Variants in CAST observed in about 807,000 individuals in gnomAD.
CAST encodes the protein calpastatin.
CAST carries 76 observed loss-of-function variants against 119.6 expected under a neutral mutation model. The observed-to-expected ratio is 0.64, with a 90% CI of 0.53 to 0.77. The LOEUF is 0.77. CAST is among the 30% of genes least tolerant of loss of function. CAST has a pLI of 0.00. For missense variants in CAST, 953 were observed against 946.5 expected (o/e 1.01, Z -0.09); for synonymous variants, 319 against 331.6 (o/e 0.96, Z 0.41).
chr5:96,016,647 C>G, the CAST span, among the ~76,000 whole-genome samples: 1 of 152,058 alleles, frequency 6.6e-6, no homozygotes, highest in Non-Finnish European at 1.5e-5. Flanking sequence ...TCTTTCCTAA[C>G]TTTTCTTTCA....
At chr5:96,236,219 G>A in the CAST span, among the ~76,000 whole-genome samples, 1 of 152,116 alleles carries the variant, frequency 6.6e-6, no homozygotes, top group South Asian at 2.1e-4. Context: ...TAACAGTTTT[G>A]TGGAAATCCC....
At chr5:96,021,348 T>C in the CAST span, among the ~76,000 whole-genome samples, 1 of 152,224 alleles carries the variant, frequency 6.6e-6, no homozygotes, top group Non-Finnish European at 1.5e-5. Context: ...TATTTAGGAT[T>C]CTAAAAGCAT....
the CAST span, among the ~76,000 whole-genome samples, chr5:96,337,797 C>T: frequency 1.5e-4 from 23 of 152,178 alleles, no homozygotes; most frequent in Non-Finnish European, 2.4e-4. Flanking sequence ...TGATTTCTGA[C>T]ATCAAATCAA....
chr5:96,299,169 C>T, the CAST span, among the ~76,000 whole-genome samples: 46 of 151,908 alleles, frequency 3.0e-4, no homozygotes, highest in African/African-American at 1.1e-3. Flanking sequence ...TGCTTGAACC[C>T]GGGAAGCAGA....
the CAST span, among the ~76,000 whole-genome samples, chr5:96,369,215 TTGA>T: frequency 6.6e-6 from 1 of 152,088 alleles, no homozygotes; most frequent in South Asian, 2.1e-4. Context: ...TACTTAGTTC[TTGA>T]TGGATTATTA....
intron 26 of CAST, among the ~76,000 whole-genome samples, chr5:96,765,814 A>T (rs1769728659): frequency 6.6e-6 from 1 of 151,958 alleles, no homozygotes; most frequent in African/African-American, 2.4e-5. Flanking sequence ...TTCCATTTAA[A>T]ATATAGCTAG....
chr5:96,136,706 G>A, the CAST span, among the ~76,000 whole-genome samples: 50,356 of 152,048 alleles, frequency 0.33, 8,586 homozygotes, highest in Middle Eastern at 0.38. Flanking sequence ...TACTACCTGT[G>A]TAATTCTAGC....
chr5:96,182,156 CCT>C, the CAST span, among the ~76,000 whole-genome samples: 1 of 152,176 alleles, frequency 6.6e-6, no homozygotes, highest in Non-Finnish European at 1.5e-5. Context: ...CTTTTCTCTT[CCT>C]GATATGTACT....
At chr5:96,041,706 TA>T in the CAST span, among the ~76,000 whole-genome samples, 134 of 147,010 alleles carry the variant, frequency 9.1e-4, no homozygotes, top group African/African-American at 2.9e-3. Flanking sequence ...AAAACTATTA[TA>T]AAAAAAAAAG....
At chr5:95,989,812 C>T in the CAST span, among the ~76,000 whole-genome samples, 1 of 151,986 alleles carries the variant, frequency 6.6e-6, no homozygotes, top group Non-Finnish European at 1.5e-5. Flanking sequence ...GCTGAGAGGT[C>T]AACAGTAAAG....
At chr5:96,527,944 T>A (rs166374), upstream of CAST, among the ~76,000 whole-genome samples, 46,451 of 152,102 alleles carry the variant, frequency 0.31, 7,646 homozygotes, top group Middle Eastern at 0.39. Context: ...AAGAGTGGCG[T>A]CATTTCCAAG....
chr5:96,395,000 C>A, the CAST span: 1 of 1,613,880 alleles, frequency 6.2e-7, no homozygotes, highest in South Asian at 1.1e-5. Flanking sequence ...GTTCACAATT[C>A]TTCCTTCATT....
rs140747483 is a variant in CAST, at chr5:96,623,699, A to G, written c.61-51840A>G. Among the ~76,000 whole-genome samples, 1,231 of 152,246 alleles carry G rather than the reference A, an allele frequency of 8.1e-3. 12 individuals carry two copies. The highest frequency in any genetic ancestry group is 0.01 in the Non-Finnish European group (705 of 68,008). ...GTTGGGGGTTTTTTATTTTAGGATT[A>G]TAATAATTTTGTTAATTTCTTTTTC... On this transcript the variant is annotated intron_variant, in intron 1 of 11. Transcript: ENST00000505143.
chr5:96,729,360 G>C, intron 7 of CAST, 151 bp downstream of exon 7: 1 of 625,130 alleles, frequency 1.6e-6, no homozygotes, highest in Non-Finnish European at 2.9e-6. Flanking sequence ...GGCAATAGCA[G>C]TGTTTACAAT....
intron 1 of CAST, among the ~76,000 whole-genome samples, chr5:96,632,696 C>G (rs1004385381): frequency 3.9e-5 from 6 of 152,226 alleles, no homozygotes; most frequent in African/African-American, 1.4e-4. Flanking sequence ...ACTATTTCTT[C>G]CTTCTCATTA....
chr5:96,762,740 A>T, intron 25 of CAST: 1 of 250,890 alleles, frequency 4.0e-6, no homozygotes, highest in East Asian at 8.3e-5. Context: ...TATACATTCT[A>T]TAATTTACTA....
the CAST span, among the ~76,000 whole-genome samples, chr5:96,224,911 G>C: frequency 6.6e-6 from 1 of 152,174 alleles, no homozygotes; most frequent in African/African-American, 2.4e-5. Context: ...GGCCAACTCA[G>C]CTCATGTGCC....
the CAST span, among the ~76,000 whole-genome samples, chr5:96,010,500 TG>T: frequency 6.6e-6 from 1 of 152,026 alleles, no homozygotes; most frequent in Non-Finnish European, 1.5e-5. Flanking sequence ...TTGGTAGAGG[TG>T]GGGTTTCACC....
intron 1 of CAST, among the ~76,000 whole-genome samples, chr5:96,617,119 A>T (rs1347931600): frequency 1.3e-5 from 2 of 152,202 alleles, no homozygotes; most frequent in Non-Finnish European, 2.9e-5. Flanking sequence ...CCTTTTATTT[A>T]AAAATTCCCA....
Sources: allele counts gnomAD v4.1 joint callset (sites outside exome capture counted in the v4.1 genomes callset), GRCh38; gene constraint gnomAD v4.1.1; transcripts MANE v1.5; gene names NCBI Gene and HGNC (gene_info 2026-07-23, HGNC 2026-07-21).